The following DOCK3 variants were observed in gnomAD, a reference collection of about 807,000 sequenced individuals.
DOCK3 encodes the protein dedicator of cytokinesis protein 3.
DOCK3 carries 60 observed loss-of-function variants against 265.6 expected under a neutral mutation model. The ratio of observed to expected loss-of-function variants is 0.23; its 90% CI spans 0.18 to 0.28. DOCK3 has a LOEUF of 0.28. Among genes scored for constraint, DOCK3 ranks in the 10% least tolerant of loss-of-function variants. The probability of loss-of-function intolerance (pLI) is 1.00; values close to 1 mark genes in which losing one functional copy is unlikely to be tolerated. For synonymous variants in DOCK3, 881 were observed against 938.0 expected, an observed-to-expected ratio of 0.94 and a Z score of 1.11; for missense variants, 1,981 against 2,594.3, an observed-to-expected ratio of 0.76 and a Z score of 5.14.
At chr3:51,227,552 G>A (rs2090382407) in intron 16 of DOCK3, 107 bp downstream of exon 16, 2 of 1,483,900 alleles carry the variant, frequency 1.3e-6, no homozygotes, top group African/African-American at 1.4e-5. Context: ...AAAATGAAGA[G>A]TTAGGAATAA....
At chr3:51,363,717 A>C (rs2086910203) in intron 49 of DOCK3, among the ~76,000 whole-genome samples, 2 of 152,152 alleles carry the variant, frequency 1.3e-5, no homozygotes, top group South Asian at 4.1e-4. Flanking sequence ...GTTCTCACCT[A>C]TGAGTGAGAA....
At chr3:51,280,234 G>A (rs1261981817) in intron 27 of DOCK3, 30 bp downstream of exon 27, 2 of 1,598,806 alleles carry the variant, frequency 1.3e-6, no homozygotes, top group Admixed American at 3.4e-5. Flanking sequence ...TCCTCTGGGA[G>A]AGGAAGTGTG....
intron 23 of DOCK3, among the ~76,000 whole-genome samples, chr3:51,269,119 GTCTCTCTC>G (rs370203478): frequency 6.9e-6 from 1 of 145,790 alleles, no homozygotes; most frequent in East Asian, 2.0e-4. Flanking sequence ...CTCTCTCACT[GTCTCTCTC>G]TCTCTCTCTC....
In DOCK3 at chr3:51,330,176, G is replaced by T. The variant is rs768609668; in HGVS notation, c.3441G>T (p.Val1147=). Reference sequence around the variant, plus strand: ...TGATTGACAAGCTGGACAGCATGGTGTCAGAAGGGAAAGGTGACGAGAGCT... The same window carrying T: ...TGATTGACAAGCTGGACAGCATGGTTTCAGAAGGGAAAGGTGACGAGAGCT... ...AELIDKLDSM[V]SEGKGDESYR... is the part of the protein sequence containing the mutation. The change falls in exon 33 of 53, where the codon GTG becomes GTT. Residue 1147 remains valine, a synonymous_variant. Coordinates refer to ENST00000266037, the MANE Select transcript of DOCK3 (RefSeq NM_004947.5). The T allele has an allele frequency of 1.9e-6, 3 of 1,606,616 alleles. No individual in the cohort carries two copies. Among genetic ancestry groups the T allele is most frequent in the South Asian group, 1.1e-5 (1 of 89,054 alleles).
intron 1 of DOCK3, among the ~76,000 whole-genome samples, chr3:50,759,857 AAAAAAAAAAAAAAAATCTGT>A (rs2040419977): frequency 6.6e-4 from 1 of 1,520 alleles, no homozygotes; most frequent in African/African-American, 6.8e-4. Context: ...GATATTATTA[AAAAAAAAAAAAAAAATCTGT>A]TTGTTTGTTG....
chr3:50,760,252 A>G (rs2040442530), intron 1 of DOCK3, among the ~76,000 whole-genome samples: 1 of 152,156 alleles, frequency 6.6e-6, no homozygotes, highest in South Asian at 2.1e-4. Context: ...CTGGTTGAAA[A>G]GACAGTCAGT....
chr3:50,968,703 C>T (rs1233833936), intron 5 of DOCK3, among the ~76,000 whole-genome samples: 1 of 152,106 alleles, frequency 6.6e-6, no homozygotes, highest in East Asian at 1.9e-4. Flanking sequence ...GTGTGCACCA[C>T]CACGCCCAGC....
intron 12 of DOCK3, among the ~76,000 whole-genome samples, chr3:51,166,479 A>T (rs2086414611): frequency 6.6e-6 from 1 of 152,140 alleles, no homozygotes; most frequent in Admixed American, 6.6e-5. Flanking sequence ...TTTCTTTGGG[A>T]TATACCAGAA....
chr3:50,788,007 T>TACACAGG, intron 2 of DOCK3: 2 of 772,392 alleles, frequency 2.6e-6, no homozygotes, highest in Non-Finnish European at 4.4e-6. Context: ...TGGTCTTCCT[T>TACACAGG]AATAGCATGC....
chr3:50,881,863 C>G (rs1332298556), intron 3 of DOCK3, among the ~76,000 whole-genome samples: 1 of 152,198 alleles, frequency 6.6e-6, no homozygotes, highest in African/African-American at 2.4e-5. Context: ...TTATTTCAGA[C>G]TATACTACAA....
At chr3:50,843,495 C>A (rs1343511354) in intron 3 of DOCK3, among the ~76,000 whole-genome samples, 8 of 152,110 alleles carry the variant, frequency 5.3e-5, no homozygotes, top group African/African-American at 1.9e-4. Context: ...TACCTGGAAC[C>A]TCATACTTAG....
chr3:50,736,524 A>G (rs1454862913), intron 1 of DOCK3, among the ~76,000 whole-genome samples: 3 of 152,088 alleles, frequency 2.0e-5, no homozygotes, highest in African/African-American at 4.8e-5. Flanking sequence ...CCAATAGTGT[A>G]AAAGTGTTCC....
intron 3 of DOCK3, among the ~76,000 whole-genome samples, chr3:50,856,990 G>A (rs548879169): frequency 6.6e-6 from 1 of 152,276 alleles, no homozygotes; most frequent in South Asian, 2.1e-4. Context: ...TGATTTGCAT[G>A]TGTTTAATCA....
At chr3:51,354,809 C>T in intron 40 of DOCK3, 73 bp from the exon 41 acceptor site, 1 of 1,563,068 alleles carries the variant, frequency 6.4e-7, no homozygotes. Flanking sequence ...CTATATGTAG[C>T]TACTGACTCC....
At chr3:51,278,206 C>G (rs1295436945) in intron 26 of DOCK3, 2 of 985,198 alleles carry the variant, frequency 2.0e-6, no homozygotes, top group Non-Finnish European at 2.4e-6. Context: ...ATGTTTGTAT[C>G]TAAATTTTTA....
intron 9 of DOCK3, among the ~76,000 whole-genome samples, chr3:51,110,904 G>A (rs903494448): frequency 1.6e-4 from 25 of 152,178 alleles, no homozygotes; most frequent in Admixed American, 3.9e-4. Context: ...TCTGTTTTCA[G>A]ATGACATGGT....
At chr3:50,901,165 T>C (rs1218072065) in intron 4 of DOCK3, among the ~76,000 whole-genome samples, 1 of 150,236 alleles carries the variant, frequency 6.7e-6, no homozygotes, top group Non-Finnish European at 1.5e-5. Flanking sequence ...CTTTTAGAGA[T>C]GCCCTGCCCA....
intron 2 of DOCK3, among the ~76,000 whole-genome samples, chr3:50,793,108 A>G (rs550717964): frequency 2.0e-5 from 3 of 152,264 alleles, no homozygotes; most frequent in African/African-American, 7.2e-5. Flanking sequence ...CTGTTCACAT[A>G]TTCAGTTTCT....
intron 1 of DOCK3, among the ~76,000 whole-genome samples, chr3:50,687,913 G>T (rs956103268): frequency 6.6e-6 from 1 of 152,102 alleles, no homozygotes; most frequent in Non-Finnish European, 1.5e-5. Context: ...AAAATATATC[G>T]CACAAAAGCA....
Sources: gnomAD v4.1 joint callset for allele counts (sites outside exome capture counted in the v4.1 genomes callset) on GRCh38, gnomAD v4.1.1 for gene constraint, MANE v1.5 for transcripts, NCBI Gene and HGNC (gene_info 2026-07-23, HGNC 2026-07-21) for gene names.